The following HGF variants were observed in gnomAD, a reference collection of about 807,000 sequenced individuals.
HGF encodes fibroblast-derived tumor cytotoxic factor.
Under a neutral mutation model 111.6 loss-of-function variants are expected in HGF, and 39 were observed. That is an observed-to-expected ratio of 0.35 (90% confidence interval 0.27 to 0.46). HGF has a LOEUF of 0.46. Among genes scored for constraint, HGF ranks in the 20% least tolerant of loss-of-function variants. The pLI is 1.00. For synonymous variants in HGF, 285 were observed against 294.8 expected (o/e 0.97, Z 0.34); for missense variants, 735 against 910.5 (o/e 0.81, Z 2.48).
chr7:81,728,088 A>C (rs1201011123), intron 8 of HGF, among the ~76,000 whole-genome samples: 1 of 152,200 alleles, frequency 6.6e-6, no homozygotes, highest in Non-Finnish European at 1.5e-5. Flanking sequence ...TTAATGTTTA[A>C]TAGAGACACG....
chr7:81,765,303 T>C (rs1350080710), intron 1 of HGF, among the ~76,000 whole-genome samples: 1 of 152,104 alleles, frequency 6.6e-6, no homozygotes, highest in Non-Finnish European at 1.5e-5. Context: ...TGTATTTAAT[T>C]CTAAATCTCC....
At chr7:81,715,365 T>C (rs1387486357) in intron 11 of HGF, among the ~76,000 whole-genome samples, 1 of 152,060 alleles carries the variant, frequency 6.6e-6, no homozygotes, top group Non-Finnish European at 1.5e-5. Flanking sequence ...TTTTTAAATA[T>C]TTTTGTATGG....
At chr7:81,743,132 T>G (rs1388867897) in intron 7 of HGF, among the ~76,000 whole-genome samples, 1 of 152,206 alleles carries the variant, frequency 6.6e-6, no homozygotes, top group African/African-American at 2.4e-5. Flanking sequence ...TAAAAATGTT[T>G]TCTATGGATG....
chr7:81,712,382 A>G (rs1203272484), intron 11 of HGF, among the ~76,000 whole-genome samples: 2 of 152,214 alleles, frequency 1.3e-5, no homozygotes, highest in Non-Finnish European at 2.9e-5. Context: ...ATAGATATCA[A>G]TGTCACTAAT....
chr7:81,742,646 T>G, intron 7 of HGF: 1 of 1,142,460 alleles, frequency 8.8e-7, no homozygotes, highest in Non-Finnish European at 1.1e-6. Flanking sequence ...GACTTAACCA[T>G]AGAGGAGAGG....
chr7:81,712,215 G>A (rs1023074254), intron 11 of HGF, among the ~76,000 whole-genome samples: 4 of 151,890 alleles, frequency 2.6e-5, no homozygotes, highest in African/African-American at 4.8e-5. Flanking sequence ...AATAGCACTC[G>A]TGTTCATTAT....
intron 2 of HGF, among the ~76,000 whole-genome samples, chr7:81,762,291 G>A (rs1789124743): frequency 6.6e-6 from 1 of 152,020 alleles, no homozygotes; most frequent in Non-Finnish European, 1.5e-5. Context: ...ATCCCTAAAT[G>A]CAATGATATA....
chr7:81,743,036 G>A, intron 7 of HGF: 1 of 1,137,520 alleles, frequency 8.8e-7, no homozygotes, highest in East Asian at 2.4e-5. Flanking sequence ...ACTTTGTGAT[G>A]CTGCACACAT....
At chr7:81,751,638 C>T (rs1788510093) in intron 5 of HGF, 2 of 996,418 alleles carry the variant, frequency 2.0e-6, no homozygotes, top group Non-Finnish European at 2.4e-6. Flanking sequence ...TGGGGTCAAG[C>T]TTCCAGTGAT....
chr7:81,706,388 A>T lies in HGF; in HGVS notation c.1656T>A (p.Asp552Glu). The change falls in exon 15 of 18, where the codon GAT becomes GAA. Residue 552 changes from aspartate (D) to glutamate (E), a missense_variant. By Grantham distance (45) the Asp-to-Glu change is conservative. Coordinates refer to ENST00000222390, the MANE Select transcript of HGF (RefSeq NM_000601.6). ...ATTTCTCATCTCCTCTTCCGTGGAC[A>T]TCATGAATTCCAAGCCAAGCTTCAT... ...KDYEAWLGIH[D>E]VHGRGDEKCK... 6.2e-7 allele frequency: 1 copy of T among 1,612,474 alleles called. No individual in the cohort carries two copies. The highest frequency in any genetic ancestry group is 8.5e-7 in the Non-Finnish European group (1 of 1,178,734).
intron 7 of HGF, chr7:81,743,008 G>T: frequency 7.0e-7 from 1 of 1,437,606 alleles, no homozygotes; most frequent in Non-Finnish European, 9.8e-7. Flanking sequence ...TAAGGTCCTA[G>T]CTTTTACTCC....
At chr7:81,739,983 C>G (rs541536906) in intron 7 of HGF, among the ~76,000 whole-genome samples, 8 of 152,264 alleles carry the variant, frequency 5.3e-5, no homozygotes, top group Admixed American at 5.2e-4. Flanking sequence ...CTACCCATAT[C>G]AATCATGTAC....
chr7:81,726,207 A>C (rs1790005316), intron 8 of HGF, among the ~76,000 whole-genome samples, 190 bp from the exon 9 acceptor site: 2 of 152,174 alleles, frequency 1.3e-5, no homozygotes, highest in Non-Finnish European at 2.9e-5. Context: ...TACTGAAATA[A>C]ATGCTGTCAT....
rs1038604632 is a variant in HGF at position 81,723,115 on chromosome 7, A to G, written c.1169-2268T>C. Reference sequence around the variant, plus strand: ...GAAATTGTCTGTACAACAAACCCCCATAACACAAGTTTACCTATGTAACAA... The same window carrying G: ...GAAATTGTCTGTACAACAAACCCCCGTAACACAAGTTTACCTATGTAACAA... On this transcript the variant is annotated intron_variant, in intron 9 of 17. Coordinates refer to ENST00000222390, the MANE Select transcript of HGF (RefSeq NM_000601.6). Among the ~76,000 whole-genome samples, 10 of 152,202 alleles carry G rather than the reference A, an allele frequency of 6.6e-5. No homozygotes were observed. In the East Asian group the frequency reaches 1.5e-3, roughly 24 times the overall value.
At chr7:81,763,028 A>G (rs1789177726) in intron 1 of HGF, 156 bp from the exon 2 acceptor site, 1 of 607,526 alleles carries the variant, frequency 1.6e-6, no homozygotes, top group East Asian at 2.8e-5. Flanking sequence ...GGTAGGGAAT[A>G]GTTAAGAGAA....
Position 81,720,731 on chromosome 7 carries a change from A to C in HGF, c.1271+14T>G. ...CACTACATTCTATATATTGAAAGGAAGAAATTTACACACCGATGTAAGTCT... is the reference window on the plus strand; with the variant it reads ...CACTACATTCTATATATTGAAAGGACGAAATTTACACACCGATGTAAGTCT... On this transcript the variant is annotated intron_variant, in intron 10 of 17. Coordinates refer to ENST00000222390, the MANE Select transcript of HGF (RefSeq NM_000601.6). 6 of 1,474,868 alleles carry C rather than the reference A, an allele frequency of 4.1e-6. No individual in the cohort carries two copies. The highest frequency in any genetic ancestry group is 5.7e-6 in the Non-Finnish European group (6 of 1,053,198). 91.4% of individuals were successfully genotyped at this position (1,474,868 alleles called of 1,614,324 possible).
At chr7:81,731,277 C>T (rs1271694994) in intron 7 of HGF, among the ~76,000 whole-genome samples, 5 of 152,064 alleles carry the variant, frequency 3.3e-5, no homozygotes, top group Non-Finnish European at 1.5e-5. Context: ...TATTGCAGCC[C>T]ATTTAAAAAG....
intron 4 of HGF, among the ~76,000 whole-genome samples, chr7:81,753,243 A>G (rs1477248603): frequency 6.6e-6 from 1 of 152,076 alleles, no homozygotes; most frequent in African/African-American, 2.4e-5. Flanking sequence ...TGCTTGTGAT[A>G]TTGGACTCAA....
chr7:81,732,768 T>A (rs1787708219), intron 7 of HGF, among the ~76,000 whole-genome samples: 1 of 152,138 alleles, frequency 6.6e-6, no homozygotes, highest in Non-Finnish European at 1.5e-5. Context: ...AAAAGGTAAA[T>A]ACTGATAAAG....
Sources: allele counts gnomAD v4.1 joint callset (sites outside exome capture counted in the v4.1 genomes callset), GRCh38; gene constraint gnomAD v4.1.1; transcripts MANE v1.5; gene names NCBI Gene and HGNC (gene_info 2026-07-23, HGNC 2026-07-21).